LRMDA: variants seen among roughly 807,000 people sequenced by gnomAD.
LRMDA encodes leucine rich melanocyte differentiation associated, also known as leucine-rich melanocyte differentiation-associated protein.
In LRMDA, 18 loss-of-function variants were observed where a neutral mutation model predicts 29.8. That is an observed-to-expected ratio of 0.60 (90% CI 0.42 to 0.90). LRMDA has a LOEUF of 0.90. LRMDA is among the 40% of genes least tolerant of loss of function. LRMDA has a pLI of 0.00. For synonymous variants in LRMDA, 125 were observed against 109.4 expected, an observed-to-expected ratio of 1.14 and a Z score of -0.89; for missense variants, 273 against 273.9, an observed-to-expected ratio of 1.00 and a Z score of 0.02.
intron 2 of LRMDA, among the ~76,000 whole-genome samples, chr10:75,489,816 C>A (rs981469640): frequency 6.6e-6 from 1 of 152,070 alleles, no homozygotes. Context: ...ATAAATGCTA[C>A]GAGCTTATTT....
chr10:75,715,665 A>AT (rs900797052), intron 2 of LRMDA, among the ~76,000 whole-genome samples: 17 of 151,680 alleles, frequency 1.1e-4, no homozygotes, highest in Admixed American at 2.6e-4. Context: ...AGCCTATTTA[A>AT]TTTTTTTTTA....
chr10:76,425,415 A>T (rs892729939), intron 6 of LRMDA, among the ~76,000 whole-genome samples: 1 of 151,692 alleles, frequency 6.6e-6, no homozygotes, highest in Admixed American at 6.6e-5. Flanking sequence ...CAACTCAGTC[A>T]TTTATTGATT....
At chr10:75,601,676 TTAA>T (rs1290206892) in intron 2 of LRMDA, among the ~76,000 whole-genome samples, 2 of 152,186 alleles carry the variant, frequency 1.3e-5, no homozygotes, top group East Asian at 3.8e-4. Context: ...AATAAAAAAT[TTAA>T]TAATAACAAT....
intron 5 of LRMDA, among the ~76,000 whole-genome samples, chr10:76,187,754 T>C (rs1270969637): frequency 6.6e-6 from 1 of 152,196 alleles, no homozygotes; most frequent in Non-Finnish European, 1.5e-5. Context: ...TACTTCTGTG[T>C]CCTCTGAGTG....
chr10:75,829,467 G>T (rs1176433659), intron 2 of LRMDA, among the ~76,000 whole-genome samples: 2 of 151,820 alleles, frequency 1.3e-5, no homozygotes, highest in Non-Finnish European at 2.9e-5. Flanking sequence ...TTTTTGGAAA[G>T]AAAAAAGGAA....
At chr10:75,669,574 G>A (rs1404770487) in intron 2 of LRMDA, among the ~76,000 whole-genome samples, 1 of 152,198 alleles carries the variant, frequency 6.6e-6, no homozygotes, top group Non-Finnish European at 1.5e-5. Context: ...GACTTTTACA[G>A]TAAATTTGCA....
At chr10:75,901,024 A>T (rs1157320292) in intron 2 of LRMDA, among the ~76,000 whole-genome samples, 2 of 152,224 alleles carry the variant, frequency 1.3e-5, no homozygotes, top group African/African-American at 2.4e-5. Flanking sequence ...CAGCTTAGGT[A>T]TCTCTCCCAT....
At chr10:76,129,795 A>G (rs529436982) in intron 5 of LRMDA, among the ~76,000 whole-genome samples, 1 of 152,166 alleles carries the variant, frequency 6.6e-6, no homozygotes, top group East Asian at 1.9e-4. Context: ...ATGCCTTCCA[A>G]TGGTCTGGGA....
chr10:76,171,724 C>A (rs1722678451), intron 5 of LRMDA, among the ~76,000 whole-genome samples: 1 of 152,150 alleles, frequency 6.6e-6, no homozygotes, highest in Non-Finnish European at 1.5e-5. Flanking sequence ...GTGAGTGTAT[C>A]CTAAAAAGTG....
intron 5 of LRMDA, among the ~76,000 whole-genome samples, chr10:76,174,860 C>T (rs1179499186): frequency 6.7e-6 from 1 of 149,472 alleles, no homozygotes; most frequent in Non-Finnish European, 1.5e-5. Context: ...TGGCTCACGC[C>T]TGTAATCCTA....
intron 2 of LRMDA, 85 bp downstream of exon 2, chr10:75,438,579 T>A (rs1844289237): frequency 1.0e-6 from 1 of 1,000,824 alleles, no homozygotes; most frequent in Admixed American, 2.1e-5. Context: ...AAAAGTCAAA[T>A]GTTCCAACTC....
chr10:75,928,152 C>T (rs1230532522), intron 2 of LRMDA, among the ~76,000 whole-genome samples: 5 of 152,064 alleles, frequency 3.3e-5, no homozygotes, highest in Admixed American at 2.0e-4. Flanking sequence ...AATGTGGCCA[C>T]CTAACTCTTG....
chr10:75,791,882 T>C (rs1220083630), intron 2 of LRMDA, among the ~76,000 whole-genome samples: 10 of 135,042 alleles, frequency 7.4e-5, no homozygotes, highest in African/African-American at 2.6e-4. Flanking sequence ...TTTTTTGAGA[T>C]GGAGTCTCAC....
chr10:76,184,276 C>T (rs1851107521), intron 5 of LRMDA, among the ~76,000 whole-genome samples: 1 of 151,992 alleles, frequency 6.6e-6, no homozygotes, highest in Admixed American at 6.6e-5. Flanking sequence ...AGTGAGATGC[C>T]CTCCTCAGCC....
intron 2 of LRMDA, among the ~76,000 whole-genome samples, chr10:75,465,856 G>T (rs893393214): frequency 6.6e-6 from 1 of 152,106 alleles, no homozygotes; most frequent in Non-Finnish European, 1.5e-5. Context: ...AAGTTTTAGC[G>T]TCCAATCTTG....
At chr10:76,367,190 T>C (rs1251860950) in intron 6 of LRMDA, among the ~76,000 whole-genome samples, 1 of 152,216 alleles carries the variant, frequency 6.6e-6, no homozygotes, top group African/African-American at 2.4e-5. Flanking sequence ...TCTATGTTCA[T>C]CAAGGATATC....
chr10:76,523,582 A>G (rs1051964131), intron 6 of LRMDA, among the ~76,000 whole-genome samples: 5 of 149,456 alleles, frequency 3.3e-5, no homozygotes, highest in African/African-American at 1.2e-4. Context: ...TGCCAGAAAC[A>G]GCCTTTTAGG....
At chr10:75,559,380 TTTG>T (rs1269726487) in intron 2 of LRMDA, among the ~76,000 whole-genome samples, 12 of 140,734 alleles carry the variant, frequency 8.5e-5, no homozygotes, top group Non-Finnish European at 1.8e-4. Context: ...GATGGGGTTG[TTTG>T]TTTTTTTCTT....
chr10:76,293,248 T>C (rs1840371714), intron 5 of LRMDA, among the ~76,000 whole-genome samples: 2 of 152,232 alleles, frequency 1.3e-5, no homozygotes, highest in South Asian at 4.1e-4. Flanking sequence ...CCCAAAGTGC[T>C]GGAATTACAG....
Sources: gnomAD v4.1 joint callset for allele counts (sites outside exome capture counted in the v4.1 genomes callset) on GRCh38, gnomAD v4.1.1 for gene constraint, MANE v1.5 for transcripts, NCBI Gene and HGNC (gene_info 2026-07-23, HGNC 2026-07-21) for gene names.